THSD7B: variants seen among roughly 807,000 people sequenced by gnomAD.
THSD7B encodes thrombospondin type 1 domain containing 7B.
THSD7B carries 138 observed loss-of-function variants against 213.6 expected under a neutral mutation model. The observed-to-expected ratio is 0.65, with a 90% CI of 0.56 to 0.74. The LOEUF (loss-of-function observed/expected upper bound fraction) is 0.74. Ranked by LOEUF, THSD7B falls within the 30% of genes least tolerant of loss-of-function variation. THSD7B has a pLI of 0.00. For synonymous variants in THSD7B, 742 were observed against 687.0 expected (o/e 1.08, Z -1.25); for missense variants, 1,931 against 1,991.5 (o/e 0.97, Z 0.58).
At chr2:136,806,002 C>T (rs554973696) in intron 1 of THSD7B, among the ~76,000 whole-genome samples, 1 of 152,288 alleles carries the variant, frequency 6.6e-6, no homozygotes, top group South Asian at 2.1e-4. Context: ...TCTGCAGGGA[C>T]CTTACACTGC....
At chr2:137,095,523 G>T (rs1156261247) in intron 4 of THSD7B, among the ~76,000 whole-genome samples, 2 of 152,152 alleles carry the variant, frequency 1.3e-5, no homozygotes, top group African/African-American at 4.8e-5. Flanking sequence ...AGCTACTAAT[G>T]TTCAGAGAGA....
chr2:137,497,457 A>C (rs1679596760), intron 15 of THSD7B, among the ~76,000 whole-genome samples: 1 of 152,140 alleles, frequency 6.6e-6, no homozygotes, highest in Admixed American at 6.6e-5. Context: ...GATTTTAGCC[A>C]AAATCCTCCC....
At position 137,094,748 on chromosome 2, in the gene THSD7B, T is replaced by A. The variant is rs74563375; in HGVS notation, c.951-125T>A. The A allele has an allele frequency of 3.7e-3, 4,654 of 1,263,930 alleles. 144 individuals are homozygous for A. The African/African-American group carries it at 0.064, about 17-fold the overall frequency. 78.3% of individuals were successfully genotyped at this position (1,263,930 alleles called of 1,614,324 possible). A position where few individuals can be genotyped will look rare whatever the true frequency, so the allele number is the denominator to read the frequency against. On this transcript the variant is annotated intron_variant, in intron 3 of 27. Coordinates refer to ENST00000409968, the MANE Select transcript of THSD7B (RefSeq NM_001316349.2). Reference sequence around the variant, plus strand: ...TTTTCATGATGTCTCTAAAATTTTTTAAAAATCTTCCTATTAAACGCTTAA... The same window carrying A: ...TTTTCATGATGTCTCTAAAATTTTTAAAAAATCTTCCTATTAAACGCTTAA...
intron 3 of THSD7B, among the ~76,000 whole-genome samples, chr2:137,071,591 G>T (rs1376989170): frequency 6.6e-6 from 1 of 152,150 alleles, no homozygotes; most frequent in Admixed American, 6.5e-5. Context: ...ATTGGCTTTT[G>T]TTGCCATTGC....
intron 2 of THSD7B, among the ~76,000 whole-genome samples, chr2:137,026,683 ATTAAGGCCACCTCCTGGCCAT>A (rs1308659216): frequency 6.6e-6 from 1 of 152,082 alleles, no homozygotes; most frequent in Non-Finnish European, 1.5e-5. Context: ...CCTTAGCCTT[ATTAAGGCCACCTCCTGGCCAT>A]CTGAAACAAT....
chr2:137,472,043 A>G (rs114799870), intron 15 of THSD7B, among the ~76,000 whole-genome samples: 273 of 152,344 alleles, frequency 1.8e-3, no homozygotes, highest in Middle Eastern at 6.8e-3. Context: ...TTACCCATTT[A>G]TGTCACAGGC....
intron 13 of THSD7B, among the ~76,000 whole-genome samples, chr2:137,411,096 G>T (rs1686641543): frequency 6.6e-6 from 1 of 152,202 alleles, no homozygotes; most frequent in Non-Finnish European, 1.5e-5. Context: ...AGTATGACTT[G>T]ATCATTTATT....
At chr2:137,120,816 T>C (rs1020839810) in intron 5 of THSD7B, among the ~76,000 whole-genome samples, 9 of 152,208 alleles carry the variant, frequency 5.9e-5, no homozygotes, top group African/African-American at 1.9e-4. Flanking sequence ...TTGTTATCTG[T>C]AAATGGAAGG....
chr2:136,876,872 A>T lies in THSD7B; in HGVS notation c.-35-5272A>T, dbSNP rs11886713. Reference sequence around the variant, plus strand: ...AAGCAGAGCAGGCACTGATGGGTAAACACATGTGTTTGTGGCTGCAGTCTG... The same window carrying T: ...AAGCAGAGCAGGCACTGATGGGTAATCACATGTGTTTGTGGCTGCAGTCTG... On this transcript the variant is annotated intron_variant, in intron 1 of 27. Transcript: ENST00000409968. Among the ~76,000 whole-genome samples, 818 of 152,234 alleles carry T rather than the reference A, an allele frequency of 5.4e-3. 4 individuals are homozygous for T. The highest frequency in any genetic ancestry group is 0.018 in the African/African-American group (753 of 41,556).
intron 6 of THSD7B, among the ~76,000 whole-genome samples, chr2:137,161,847 C>T (rs570923771): frequency 3.3e-5 from 5 of 152,154 alleles, no homozygotes; most frequent in Non-Finnish European, 7.3e-5. Context: ...GGGTGATTTA[C>T]ATATTTTTAG....
chr2:136,967,477 C>G (rs1398338720), intron 2 of THSD7B, among the ~76,000 whole-genome samples: 1 of 152,190 alleles, frequency 6.6e-6, no homozygotes, highest in Non-Finnish European at 1.5e-5. Context: ...GCCATTGTTC[C>G]AGACTTCATG....
intron 2 of THSD7B, among the ~76,000 whole-genome samples, chr2:137,005,856 G>C (rs1437752376): frequency 6.6e-6 from 1 of 152,084 alleles, no homozygotes; most frequent in Non-Finnish European, 1.5e-5. Flanking sequence ...ATAGTTTTGG[G>C]TGTTACTGGA....
At chr2:137,196,662 T>C (rs758219004) in intron 7 of THSD7B, among the ~76,000 whole-genome samples, 1 of 152,150 alleles carries the variant, frequency 6.6e-6, no homozygotes, top group Non-Finnish European at 1.5e-5. Flanking sequence ...TGCCTTCTGA[T>C]AGTTCACTGT....
intron 5 of THSD7B, among the ~76,000 whole-genome samples, chr2:137,136,829 CA>C (rs1558934327): frequency 6.6e-6 from 1 of 152,100 alleles, no homozygotes; most frequent in Non-Finnish European, 1.5e-5. Context: ...AAAGACAATT[CA>C]TTTTTTATGT....
At chr2:136,822,163 G>C (rs1682573866) in intron 1 of THSD7B, among the ~76,000 whole-genome samples, 1 of 152,118 alleles carries the variant, frequency 6.6e-6, no homozygotes, top group African/African-American at 2.4e-5. Flanking sequence ...TACGTTCTCT[G>C]AATGAAGTAG....
intron 12 of THSD7B, among the ~76,000 whole-genome samples, chr2:137,316,999 G>A (rs1408635881): frequency 1.3e-5 from 2 of 152,088 alleles, no homozygotes; most frequent in Admixed American, 6.5e-5. Flanking sequence ...AACCATAGGG[G>A]AAAAAGTGTA....
At position 136,802,656 on chromosome 2, in the gene THSD7B, T is replaced by C. The variant is rs201690616; in HGVS notation, c.-36+36969T>C. Among the ~76,000 whole-genome samples the C allele has an allele frequency of 2.2e-3, 250 of 115,646 alleles. 10 individuals are homozygous for C. In the East Asian group the frequency reaches 0.041, roughly 19 times the overall value. The allele number at this position is 115,646 out of a possible 152,430, so 75.9% of individuals were successfully genotyped here. A position where few individuals can be genotyped will look rare whatever the true frequency, so the allele number is the denominator to read the frequency against. On this transcript the variant is annotated intron_variant, in intron 1 of 27. Coordinates refer to ENST00000409968, the MANE Select transcript of THSD7B (RefSeq NM_001316349.2). ...AATTAAGTTTATATATATATATATA[T>C]ATATATATATATATATATATATATA...
chr2:137,312,127 A>T (rs62172660), intron 12 of THSD7B, among the ~76,000 whole-genome samples: 56,986 of 150,732 alleles, frequency 0.38, 11,328 homozygotes, highest in Non-Finnish European at 0.45. Flanking sequence ...CTGTGAATCC[A>T]TCTGGTCCTG....
chr2:137,232,525 C>T (rs1260662832), intron 8 of THSD7B, among the ~76,000 whole-genome samples: 2 of 152,014 alleles, frequency 1.3e-5, no homozygotes, highest in Non-Finnish European at 2.9e-5. Flanking sequence ...AATATCACTT[C>T]GAGGTCATAG....
Sources: gnomAD v4.1 joint callset for allele counts (sites outside exome capture counted in the v4.1 genomes callset) on GRCh38, gnomAD v4.1.1 for gene constraint, MANE v1.5 for transcripts, NCBI Gene and HGNC (gene_info 2026-07-23, HGNC 2026-07-21) for gene names.